The following ACER3 variants were observed in gnomAD, a reference collection of about 807,000 sequenced individuals.
ACER3 encodes alkCDase 3.
Under a neutral mutation model 48.9 loss-of-function variants are expected in ACER3, and 16 were observed. That is an observed-to-expected ratio of 0.33 (90% CI 0.22 to 0.50). The LOEUF is 0.50. Ranked by LOEUF, ACER3 falls within the 20% of genes least tolerant of loss-of-function variation. The pLI is 0.98. For synonymous variants in ACER3, 109 were observed against 107.8 expected (o/e 1.01, Z -0.07); for missense variants, 227 against 326.0 (o/e 0.70, Z 2.34).
intron 3 of ACER3, among the ~76,000 whole-genome samples, chr11:76,966,800 TC>T: frequency 6.6e-6 from 1 of 150,454 alleles, no homozygotes; most frequent in Non-Finnish European, 1.5e-5. Context: ...TGGAACACAT[TC>T]AAAGCAGTGT....
Position 76,993,180 on chromosome 11 carries a change from C to A in ACER3, c.438+2606C>A, listed in dbSNP as rs569798484. 3.9e-5 allele frequency among the ~76,000 whole-genome samples: 6 copies of A among 152,272 alleles called. No individual in the cohort carries two copies. The East Asian group carries it at 1.2e-3, about 29-fold the overall frequency. ...TGTGAGCCACTGTGCCCAGCCTGAA[C>A]AAACCCTTTTTAAGTGCCTTCAATG... is the stretch of plus-strand genomic sequence containing the variant. On this transcript the variant is annotated intron_variant, in intron 6 of 10. Transcript: ENST00000532485.
intron 4 of ACER3, among the ~76,000 whole-genome samples, chr11:76,983,594 C>A (rs7113911): frequency 0.11 from 16,863 of 152,100 alleles, 3,092 homozygotes; most frequent in African/African-American, 0.38. Context: ...GAATTACAGG[C>A]GTAAGCCACT....
Position 76,868,389 on chromosome 11 carries a change from C to CTGTGTG in ACER3, c.103+7311_103+7312insGTGTGT, listed in dbSNP as rs1235157674. 922 of 186,924 alleles carry CTGTGTG rather than the reference C, an allele frequency of 4.9e-3. 1 individual carries two copies. The highest frequency in any genetic ancestry group is 8.8e-3 in the South Asian group (163 of 18,456). 11.6% of individuals were successfully genotyped at this position (186,924 alleles called of 1,614,324 possible). A position where few individuals can be genotyped will look rare whatever the true frequency, so the allele number is the denominator to read the frequency against. On this transcript the variant is annotated intron_variant, in intron 1 of 10. Transcript: ENST00000532485. ...TTAGTTTTAATATCTCTCTCTCTCT[C>CTGTGTG]TCTGTGTGTGTGTGTGTGTGTGTGT... is the stretch of plus-strand genomic sequence containing the variant.
At chr11:76,937,767 T>C (rs1487485857) in intron 2 of ACER3, among the ~76,000 whole-genome samples, 3 of 152,154 alleles carry the variant, frequency 2.0e-5, no homozygotes, top group Non-Finnish European at 4.4e-5. Flanking sequence ...GTATGTATGT[T>C]TGTATTTTTA....
At chr11:76,939,253 A>G (rs549052318) in intron 2 of ACER3, among the ~76,000 whole-genome samples, 186 of 152,336 alleles carry the variant, frequency 1.2e-3, no homozygotes, top group Non-Finnish European at 2.0e-3. Flanking sequence ...TGTTTGGTCA[A>G]CAAGATAATT....
At chr11:76,934,478 G>T (rs1358931783) in intron 2 of ACER3, among the ~76,000 whole-genome samples, 2 of 152,242 alleles carry the variant, frequency 1.3e-5, no homozygotes. Context: ...TTGTGGCTAG[G>T]AGCTGGAGAC....
At chr11:76,909,652 A>G (rs1169685374) in intron 1 of ACER3, among the ~76,000 whole-genome samples, 1 of 152,208 alleles carries the variant, frequency 6.6e-6, no homozygotes, top group East Asian at 1.9e-4. Flanking sequence ...AAAAATAGGA[A>G]CGCTTTTACA....
At chr11:76,965,060 GA>G (rs989626006) in intron 3 of ACER3, among the ~76,000 whole-genome samples, 5 of 150,770 alleles carry the variant, frequency 3.3e-5, no homozygotes, top group African/African-American at 1.2e-4. Context: ...TAAAAACCTT[GA>G]AAAAAAATAA....
chr11:77,001,616 G>A (rs1456761878), intron 7 of ACER3, among the ~76,000 whole-genome samples: 1 of 152,168 alleles, frequency 6.6e-6, no homozygotes, highest in Non-Finnish European at 1.5e-5. Flanking sequence ...CGTTCCTGAT[G>A]TGTGTGCTTT....
At chr11:76,927,813 G>C (rs967411178) in intron 2 of ACER3, among the ~76,000 whole-genome samples, 17 of 152,090 alleles carry the variant, frequency 1.1e-4, no homozygotes, top group Admixed American at 6.6e-4. Context: ...TGGCTGCATA[G>C]TATTCCCTTG....
At chr11:76,955,560 C>A (rs1183041299) in intron 2 of ACER3, 1 of 152,270 alleles carries the variant, frequency 6.6e-6, no homozygotes, top group East Asian at 1.9e-4. Flanking sequence ...CTTGCTGTGT[C>A]TCACATGGCC....
intron 1 of ACER3, among the ~76,000 whole-genome samples, chr11:76,913,105 T>C (rs948371356): frequency 2.6e-5 from 4 of 152,138 alleles, no homozygotes; most frequent in Non-Finnish European, 4.4e-5. Context: ...AGTTGGATTC[T>C]TAGGTATTTT....
chr11:76,954,190 A>G (rs1482566357), intron 2 of ACER3, among the ~76,000 whole-genome samples: 1 of 152,080 alleles, frequency 6.6e-6, no homozygotes, highest in Non-Finnish European at 1.5e-5. Flanking sequence ...CAGGTGATCC[A>G]CCCACCTCGG....
intron 3 of ACER3, among the ~76,000 whole-genome samples, chr11:76,967,526 G>C (rs138506098): frequency 1.3e-5 from 2 of 152,124 alleles, no homozygotes; most frequent in Admixed American, 6.5e-5. Context: ...GATGAACATT[G>C]AGGCAAAAAT....
intron 1 of ACER3, among the ~76,000 whole-genome samples, chr11:76,896,604 G>A (rs1384962731): frequency 2.6e-5 from 4 of 152,000 alleles, no homozygotes; most frequent in Non-Finnish European, 5.9e-5. Context: ...TGCTAAAGAC[G>A]ACCCCTCTAC....
At chr11:76,914,848 A>G (rs1197756748) in intron 1 of ACER3, among the ~76,000 whole-genome samples, 1 of 152,202 alleles carries the variant, frequency 6.6e-6, no homozygotes, top group Non-Finnish European at 1.5e-5. Flanking sequence ...CATATACACC[A>G]TGGAATACTA....
At chr11:76,871,987 C>T (rs891752033) in intron 1 of ACER3, among the ~76,000 whole-genome samples, 14 of 152,120 alleles carry the variant, frequency 9.2e-5, no homozygotes, top group Admixed American at 9.2e-4. Context: ...TGTGCCTGAA[C>T]TCCAAAGAGT....
At chr11:76,940,273 C>T (rs762577434) in intron 2 of ACER3, among the ~76,000 whole-genome samples, 1 of 151,834 alleles carries the variant, frequency 6.6e-6, no homozygotes, top group East Asian at 1.9e-4. Flanking sequence ...CATGAGCCAC[C>T]GCACCCAGCC....
intron 3 of ACER3, among the ~76,000 whole-genome samples, chr11:76,961,181 G>A (rs1357564906): frequency 6.6e-6 from 1 of 152,262 alleles, no homozygotes; most frequent in East Asian, 1.9e-4. Flanking sequence ...GAGAATGGGA[G>A]CCAGGTTTCT....
Sources: allele counts gnomAD v4.1 joint callset (sites outside exome capture counted in the v4.1 genomes callset), GRCh38; gene constraint gnomAD v4.1.1; transcripts MANE v1.5; gene names NCBI Gene and HGNC (gene_info 2026-07-23, HGNC 2026-07-21).